Variants in THSD7A observed in about 807,000 individuals in gnomAD.
THSD7A encodes thrombospondin type-1 domain-containing protein 7A.
Under a neutral mutation model 231.3 loss-of-function variants are expected in THSD7A, and 96 were observed. The ratio of observed to expected loss-of-function variants is 0.41; its 90% confidence interval spans 0.35 to 0.49. The LOEUF is 0.49. THSD7A is among the 20% of genes least tolerant of loss of function. The pLI is 0.05. For missense variants in THSD7A, 2,290 were observed against 2,070.2 expected, an observed-to-expected ratio of 1.11 and a Z score of -2.06; for synonymous variants, 940 against 743.3, an observed-to-expected ratio of 1.26 and a Z score of -4.30.
chr7:11,406,358 G>A lies in THSD7A; in HGVS notation c.4179C>T (p.Leu1393=). The change falls in exon 22 of 28, where the codon CTC becomes CTT. Residue 1393 remains leucine, a synonymous_variant. Coordinates refer to ENST00000423059, the MANE Select transcript of THSD7A (RefSeq NM_015204.3). The surrounding 1 kb of genome is among the most constrained non-coding windows in gnomAD (Gnocchi z 4.7). ...VDEEFCADIE[L]IIDGNKNMVL... is the part of the protein sequence containing the mutation. Reference sequence around the variant, plus strand: ...CCATATTTTTATTACCATCTATAATGAGTTCAATGTCAGCACAGAATTCCT... The same window carrying A: ...CCATATTTTTATTACCATCTATAATAAGTTCAATGTCAGCACAGAATTCCT... The A allele has an allele frequency of 6.2e-7, 1 of 1,613,858 alleles. No individual in the cohort carries two copies. Among genetic ancestry groups the A allele is most frequent in the Non-Finnish European group, 8.5e-7 (1 of 1,179,830 alleles).
intron 6 of THSD7A, among the ~76,000 whole-genome samples, chr7:11,527,224 A>G (rs866110089): frequency 1.3e-4 from 20 of 152,166 alleles, no homozygotes; most frequent in African/African-American, 4.3e-4. Context: ...CAAAGTTAAC[A>G]TTTTGGAATC....
rs1418768950 is a variant in THSD7A at position 11,518,008 on chromosome 7, A to G, written c.1822+23411T>C. Among the ~76,000 whole-genome samples, 3 of 152,338 alleles carry G rather than the reference A, an allele frequency of 2.0e-5. No homozygotes were observed. The South Asian group carries it at 6.2e-4, about 32-fold the overall frequency. On this transcript the variant is annotated intron_variant, in intron 6 of 27. Transcript: ENST00000423059. ...GAGAGATGAAAAGGGAACTGCCTGCAGAGACAGAAGGACCTGGATACAAAG... is the reference window on the plus strand; with the variant it reads ...GAGAGATGAAAAGGGAACTGCCTGCGGAGACAGAAGGACCTGGATACAAAG...
chr7:11,796,579 G>T lies in THSD7A; in HGVS notation c.190+35178C>A, dbSNP rs576043973. Reference sequence around the variant, plus strand: ...GTTTGATGTTTTCAATAAAATGTGTGTTTTTTTTTCATTTAGGTCTTCCTT... The same window carrying T: ...GTTTGATGTTTTCAATAAAATGTGTTTTTTTTTTTCATTTAGGTCTTCCTT... On this transcript the variant is annotated intron_variant, in intron 1 of 27. Transcript: ENST00000423059. Among the ~76,000 whole-genome samples, 5 of 147,412 alleles carry T rather than the reference G, an allele frequency of 3.4e-5. 1 individual carries two copies. The highest frequency in any genetic ancestry group is 7.5e-5 in the African/African-American group (3 of 40,096).
intron 1 of THSD7A, among the ~76,000 whole-genome samples, chr7:11,668,947 A>C (rs1584180947): frequency 6.6e-6 from 1 of 152,238 alleles, no homozygotes; most frequent in African/African-American, 2.4e-5. Context: ...GTTTCAAAAC[A>C]GCAGACTGGA....
intron 1 of THSD7A, among the ~76,000 whole-genome samples, chr7:11,666,633 T>C (rs1562457647): frequency 6.6e-6 from 1 of 151,844 alleles, no homozygotes; most frequent in Non-Finnish European, 1.5e-5. Flanking sequence ...ATAATTATCT[T>C]GATTGTATAA....
At chr7:11,779,082 G>C (rs1164374178) in intron 1 of THSD7A, among the ~76,000 whole-genome samples, 1 of 152,106 alleles carries the variant, frequency 6.6e-6, no homozygotes, top group Non-Finnish European at 1.5e-5. Context: ...ATTAGAATAA[G>C]TGAAATTAAA....
chr7:11,582,370 G>C (rs1032918062), intron 4 of THSD7A, among the ~76,000 whole-genome samples: 5 of 151,614 alleles, frequency 3.3e-5, no homozygotes, highest in South Asian at 4.2e-4. Context: ...AAAATAGAAG[G>C]GTGTTCAATA....
At chr7:11,670,650 C>T (rs1039020003) in intron 1 of THSD7A, among the ~76,000 whole-genome samples, 1 of 152,156 alleles carries the variant, frequency 6.6e-6, no homozygotes, top group Non-Finnish European at 1.5e-5. Context: ...TTCCAGAATT[C>T]TGATGCTTTA....
chr7:11,486,651 C>T (rs6955788), intron 6 of THSD7A, among the ~76,000 whole-genome samples: 113,231 of 152,118 alleles, frequency 0.74, 42,190 homozygotes, highest in South Asian at 0.83. Context: ...TAGATTTTGA[C>T]TGTGATGTCA....
intron 4 of THSD7A, among the ~76,000 whole-genome samples, chr7:11,562,226 C>T (rs1790105040): frequency 1.3e-5 from 2 of 152,052 alleles, no homozygotes; most frequent in African/African-American, 4.8e-5. Context: ...TTCTAAGGCT[C>T]TCAAATGTAC....
At chr7:11,721,941 C>T (rs546224456) in intron 1 of THSD7A, among the ~76,000 whole-genome samples, 1 of 151,802 alleles carries the variant, frequency 6.6e-6, no homozygotes, top group African/African-American at 2.4e-5. Flanking sequence ...ATTTTATGCA[C>T]CCCTTCCCAA....
chr7:11,497,066 A>G (rs1329850458), intron 6 of THSD7A, among the ~76,000 whole-genome samples: 1 of 152,194 alleles, frequency 6.6e-6, no homozygotes, highest in Non-Finnish European at 1.5e-5. Context: ...ATGGCTGGGG[A>G]GGCCTAAGGA....
chr7:11,726,003 G>C (rs924451476), intron 1 of THSD7A, among the ~76,000 whole-genome samples: 1 of 151,836 alleles, frequency 6.6e-6, no homozygotes, highest in Non-Finnish European at 1.5e-5. Context: ...TCACTAATTT[G>C]AATTGTTCTT....
At chr7:11,459,630 GAAGACTTCTA>G (rs1785425685) in intron 11 of THSD7A, among the ~76,000 whole-genome samples, 1 of 129,128 alleles carries the variant, frequency 7.7e-6, no homozygotes, top group Non-Finnish European at 1.6e-5. Context: ...TGTTCCAGAA[GAAGACTTCTA>G]AAAGGAAGAT....
chr7:11,389,419 TGC>T (rs1287153140), intron 23 of THSD7A, among the ~76,000 whole-genome samples: 1 of 127,840 alleles, frequency 7.8e-6, no homozygotes, highest in Non-Finnish European at 1.6e-5. Context: ...TTGCAACTCC[TGC>T]TTTTTTTTTT....
intron 4 of THSD7A, among the ~76,000 whole-genome samples, chr7:11,568,583 C>G (rs1003096966): frequency 4.4e-5 from 6 of 137,596 alleles, no homozygotes; most frequent in Non-Finnish European, 9.1e-5. Context: ...CGAGATCACG[C>G]CACTGCACTC....
intron 1 of THSD7A, among the ~76,000 whole-genome samples, chr7:11,648,679 C>A (rs1488782776): frequency 1.4e-5 from 1 of 72,044 alleles, no homozygotes; most frequent in South Asian, 3.5e-4. Flanking sequence ...TCATGCTTTT[C>A]TTTTCTTCTC....
intron 6 of THSD7A, among the ~76,000 whole-genome samples, chr7:11,507,802 A>C (rs73286808): frequency 0.057 from 8,747 of 152,206 alleles, 851 homozygotes; most frequent in African/African-American, 0.2. Context: ...GGATGGGAAA[A>C]ATATTTTAAA....
At chr7:11,621,849 A>G (rs1199801590) in intron 2 of THSD7A, among the ~76,000 whole-genome samples, 2 of 152,158 alleles carry the variant, frequency 1.3e-5, no homozygotes, top group African/African-American at 4.8e-5. Context: ...AAAATACTCA[A>G]TGGCCTGGCT....
Sources: gnomAD v4.1 joint callset for allele counts (sites outside exome capture counted in the v4.1 genomes callset) on GRCh38, gnomAD v4.1.1 for gene constraint, Gnocchi (gnomAD v3.1) non-coding constraint, MANE v1.5 for transcripts, NCBI Gene and HGNC (gene_info 2026-07-23, HGNC 2026-07-21) for gene names.